Variants in GDI2 observed in about 807,000 individuals in gnomAD.
GDI2 encodes rab GDP dissociation inhibitor beta.
Under a neutral mutation model 54.2 loss-of-function variants are expected in GDI2, and 22 were observed. The observed-to-expected ratio is 0.41, with a 90% CI of 0.29 to 0.58. The LOEUF (loss-of-function observed/expected upper bound fraction) is 0.58. Among genes scored for constraint, GDI2 ranks in the 20% least tolerant of loss-of-function variants. GDI2 has a pLI of 0.35. For synonymous variants in GDI2, 177 were observed against 182.1 expected (o/e 0.97, Z 0.23); for missense variants, 422 against 546.0 (o/e 0.77, Z 2.26).
intron 6 of GDI2, among the ~76,000 whole-genome samples, chr10:5,775,821 C>A (rs1023770272): frequency 6.6e-6 from 1 of 152,308 alleles, no homozygotes; most frequent in East Asian, 1.9e-4. Context: ...AGGCCACTTG[C>A]GCGTGTGACG....
intron 1 of GDI2, among the ~76,000 whole-genome samples, chr10:5,803,031 C>G (rs1340438777): frequency 2.6e-5 from 4 of 152,188 alleles, no homozygotes; most frequent in African/African-American, 7.2e-5. Flanking sequence ...TGTGTGAGAC[C>G]TGTTTTCATA....
At chr10:5,799,369 C>T (rs993489889) in intron 2 of GDI2, among the ~76,000 whole-genome samples, 6 of 151,996 alleles carry the variant, frequency 3.9e-5, no homozygotes, top group East Asian at 3.9e-4. Context: ...AAGAATAAAG[C>T]GCTCGGGCGT....
chr10:5,794,186 AAAATATATATATATATATATAT>A lies in GDI2; in HGVS notation c.388+677_388+698del, dbSNP rs1448610350. Among the ~76,000 whole-genome samples the A allele has an allele frequency of 7.7e-4, 36 of 46,670 alleles. 3 individuals are homozygous for A. The highest frequency in any genetic ancestry group is 3.0e-3 in the Admixed American group (9 of 3,032). 30.6% of individuals were successfully genotyped at this position (46,670 alleles called of 152,430 possible). A position where few individuals can be genotyped will look rare whatever the true frequency, so the allele number is the denominator to read the frequency against. ...TGTCTTTAAAAGAAAAAAAAAAAAA[AAAATATATATATATATATATAT>A]ATATATATATATATATATATATATA... On this transcript the variant is annotated intron_variant, in intron 4 of 10. Coordinates refer to ENST00000380191, the MANE Select transcript of GDI2 (RefSeq NM_001494.4).
intron 6 of GDI2, among the ~76,000 whole-genome samples, chr10:5,779,222 A>G (rs1451403792): frequency 1.3e-5 from 2 of 152,192 alleles, no homozygotes; most frequent in African/African-American, 4.8e-5. Flanking sequence ...ACAAAAATGA[A>G]AACTATAGGC....
At chr10:5,807,954 C>A (rs72772390) in intron 1 of GDI2, among the ~76,000 whole-genome samples, 4 of 152,084 alleles carry the variant, frequency 2.6e-5, no homozygotes, top group Admixed American at 6.6e-5. Flanking sequence ...GCCCACTCCC[C>A]AACCCCGATT....
chr10:5,783,980 A>C (rs1026089076), intron 6 of GDI2, among the ~76,000 whole-genome samples: 2 of 152,212 alleles, frequency 1.3e-5, no homozygotes, highest in Non-Finnish European at 2.9e-5. Flanking sequence ...TTGGATGTCT[A>C]GATCTCTAGC....
chr10:5,768,112 G>A lies in GDI2; in HGVS notation c.991+101C>T, dbSNP rs1840400733. 1.1e-6 allele frequency: 1 copy of A among 943,898 alleles called. No homozygotes were observed. The highest frequency in any genetic ancestry group is 2.1e-5 in the Admixed American group (1 of 46,844). 58.5% of individuals were successfully genotyped at this position (943,898 alleles called of 1,614,324 possible). A position where few individuals can be genotyped will look rare whatever the true frequency, so the allele number is the denominator to read the frequency against. On this transcript the variant is annotated intron_variant, in intron 8 of 10. Transcript: ENST00000380191. This position sits in a 1 kb window ranked among gnomAD's most constrained non-coding sequence, Gnocchi z 4.4. ...TTCCCCCATATGTAAACCAAGGTCT[G>A]TTCACTAATACAGCATACAAAATTA...
intron 6 of GDI2, among the ~76,000 whole-genome samples, chr10:5,783,311 T>C (rs991294900): frequency 3.9e-4 from 42 of 108,320 alleles, no homozygotes; most frequent in African/African-American, 1.2e-3. Context: ...AATATATTTT[T>C]CCACCCCTTT....
At chr10:5,786,373 G>A (rs1241701815) in intron 4 of GDI2, among the ~76,000 whole-genome samples, 2 of 151,940 alleles carry the variant, frequency 1.3e-5, no homozygotes, top group Non-Finnish European at 2.9e-5. Context: ...GTTTCACCAT[G>A]TTAGGCTGGT....
At chr10:5,787,372 C>T (rs997077786) in intron 4 of GDI2, among the ~76,000 whole-genome samples, 7 of 152,108 alleles carry the variant, frequency 4.6e-5, no homozygotes, top group African/African-American at 1.7e-4. Flanking sequence ...GGTGTGGTGG[C>T]GCACGCCTGT....
chr10:5,797,926 T>C (rs1188140952), intron 2 of GDI2, among the ~76,000 whole-genome samples: 2 of 152,204 alleles, frequency 1.3e-5, no homozygotes, highest in East Asian at 3.8e-4. Context: ...AAATAAACCT[T>C]AGATTCTTCC....
At chr10:5,793,205 G>A (rs1254970985) in intron 4 of GDI2, among the ~76,000 whole-genome samples, 1 of 151,984 alleles carries the variant, frequency 6.6e-6, no homozygotes, top group African/African-American at 2.4e-5. Flanking sequence ...ATGTTGCCCA[G>A]GCTGGTCTTC....
Position 5,813,177 on chromosome 10 carries a change from G to T in GDI2, c.45+37C>A, listed in dbSNP as rs1841513288. 5 of 1,410,350 alleles carry T rather than the reference G, an allele frequency of 3.5e-6. No homozygotes were observed. The East Asian group carries it at 8.0e-5, about 23-fold the overall frequency. The allele number at this position is 1,410,350 out of a possible 1,614,324, so 87.4% of individuals were successfully genotyped here. A position where few individuals can be genotyped will look rare whatever the true frequency, so the allele number is the denominator to read the frequency against. ...CAGGAGCCGGGGGTGCGCCCGCCCC[G>T]GCTGCTCAGCCCCGGCCCCTCAGCC... is the stretch of plus-strand genomic sequence containing the variant. On this transcript the variant is annotated intron_variant, in intron 1 of 10. Coordinates refer to ENST00000380191, the MANE Select transcript of GDI2 (RefSeq NM_001494.4).
In GDI2 at chr10:5,786,065, A is replaced by AT. The variant is rs778590653; in HGVS notation, c.389-16dup. The AT allele has an allele frequency of 1.3e-6, 2 of 1,581,616 alleles. No individual in the cohort carries two copies. The highest frequency in any genetic ancestry group is 3.4e-5 in the Admixed American group (2 of 59,198). The stretch of plus-strand genomic sequence containing the variant: ...TCCCATTAGGCCTAAATAAAAAAGA[A>AT]TTTTTCAAAAAGCACACTCACAATC... On this transcript the variant is annotated splice_polypyrimidine_tract_variant and intron_variant, in intron 4 of 10. Coordinates refer to ENST00000380191, the MANE Select transcript of GDI2 (RefSeq NM_001494.4).
chr10:5,801,955 C>T (rs1841278359), intron 1 of GDI2, among the ~76,000 whole-genome samples: 1 of 152,096 alleles, frequency 6.6e-6, no homozygotes, highest in Non-Finnish European at 1.5e-5. Flanking sequence ...CTGCTGTGAG[C>T]TGAGACCACG....
chr10:5,786,149 C>A, intron 4 of GDI2, 99 bp from the exon 5 acceptor site: 4 of 605,772 alleles, frequency 6.6e-6, no homozygotes. Context: ...TTATCAACTG[C>A]GGAATGCAGG....
chr10:5,800,940 T>C (rs1195967282), intron 1 of GDI2, among the ~76,000 whole-genome samples: 1 of 151,712 alleles, frequency 6.6e-6, no homozygotes, highest in African/African-American at 2.4e-5. Context: ...TTAGTCACCT[T>C]TTAATTTTTT....
At chr10:5,810,949 TTAAAAG>T (rs1367934797) in intron 1 of GDI2, among the ~76,000 whole-genome samples, 12 of 152,224 alleles carry the variant, frequency 7.9e-5, no homozygotes, top group Non-Finnish European at 1.8e-4. Context: ...TTACACTTCT[TTAAAAG>T]TAACAAGTTC....
At position 5,776,468 on chromosome 10, in the gene GDI2, T is replaced by C; in HGVS notation, c.720-2527A>G. 3 of 954,552 alleles carry C rather than the reference T, an allele frequency of 3.1e-6. No individual in the cohort carries two copies. The highest frequency in any genetic ancestry group is 3.4e-6 in the Non-Finnish European group (2 of 582,790). The allele number at this position is 954,552 out of a possible 1,614,324, so 59.1% of individuals were successfully genotyped here. ...TACTATTTTTACTTTAGCAAAAGAGTGAGCCAGCAGAGCCATGTATTAGAA... is the reference window on the plus strand; with the variant it reads ...TACTATTTTTACTTTAGCAAAAGAGCGAGCCAGCAGAGCCATGTATTAGAA... On this transcript the variant is annotated intron_variant, in intron 6 of 10. Transcript: ENST00000380191. This position sits in a 1 kb window ranked among gnomAD's most constrained non-coding sequence, Gnocchi z 5.3.
Sources: allele counts gnomAD v4.1 joint callset (sites outside exome capture counted in the v4.1 genomes callset), GRCh38; gene constraint gnomAD v4.1.1; non-coding constraint Gnocchi (gnomAD v3.1); transcripts MANE v1.5; gene names NCBI Gene and HGNC (gene_info 2026-07-23, HGNC 2026-07-21).